The following ZNF268 variants were observed in gnomAD, a reference collection of about 807,000 sequenced individuals.
The protein encoded by ZNF268 is zinc finger protein 268, also known as zinc finger protein 3.
Under a neutral mutation model 29.3 loss-of-function variants are expected in ZNF268, and 20 were observed. The observed-to-expected ratio is 0.68, with a 90% confidence interval of 0.48 to 0.99. ZNF268 has a LOEUF of 0.99. Among genes scored for constraint, ZNF268 ranks in the 50% least tolerant of loss-of-function variants. The probability of loss-of-function intolerance (pLI) is 0.00; values close to 1 mark genes in which losing one functional copy is unlikely to be tolerated. For synonymous variants in ZNF268, 429 were observed against 376.9 expected (o/e 1.14, Z -1.60); for missense variants, 1,240 against 1,121.6 (o/e 1.11, Z -1.51).
intron 5 of ZNF268, among the ~76,000 whole-genome samples, chr12:133,201,439 T>C (rs992477078): frequency 6.6e-6 from 1 of 152,132 alleles, no homozygotes; most frequent in African/African-American, 2.4e-5. Context: ...CATTGAGACC[T>C]GTGCATCTGA....
At position 133,205,196 on chromosome 12, in the gene ZNF268, TATTA is replaced by T. The variant is rs1956876676; in HGVS notation, c.*670_*673del. The T allele has an allele frequency of 7.6e-6, 1 of 132,150 alleles. No individual in the cohort carries two copies. The highest frequency in any genetic ancestry group is 7.6e-5 in the Admixed American group (1 of 13,182). The allele number at this position is 132,150 out of a possible 1,614,324, so 8.2% of individuals were successfully genotyped here. A position where few individuals can be genotyped will look rare whatever the true frequency, so the allele number is the denominator to read the frequency against. ...AAACCAACCTGTTATTATATCTTAA[TATTA>T]ATTTTGAAGAATTATTTCTTTTAGG... is the stretch of plus-strand genomic sequence containing the variant. On this transcript the variant is annotated 3_prime_UTR_variant, in exon 6 of 6. Transcript: ENST00000536435.
intron 2 of ZNF268, among the ~76,000 whole-genome samples, chr12:133,185,754 G>A (rs552508372): frequency 1.3e-5 from 2 of 152,286 alleles, no homozygotes; most frequent in African/African-American, 4.8e-5. Context: ...GGAAGCCAGA[G>A]ACTGACTAGG....
At position 133,191,900 on chromosome 12, in the gene ZNF268, A is replaced by G. The variant is rs184260558; in HGVS notation, c.362-8A>G. On this transcript the variant is annotated splice_polypyrimidine_tract_variant and splice_region_variant and intron_variant, in intron 4 of 5. Coordinates refer to ENST00000536435, the MANE Select transcript of ZNF268 (RefSeq NM_003415.3). Reference sequence around the variant, plus strand: ...GTTCCAGGTTGTCTGTGATTTTTCTATTTATAGGGTACCAACACACCAAAC... The same window carrying G: ...GTTCCAGGTTGTCTGTGATTTTTCTGTTTATAGGGTACCAACACACCAAAC... 7.2e-5 allele frequency: 116 copies of G among 1,613,088 alleles called. No homozygotes were observed. The highest frequency in any genetic ancestry group is 1.6e-4 in the Middle Eastern group (1 of 6,082).
chr12:133,181,826 T>C, intron 1 of ZNF268, 120 bp from the exon 2 acceptor site: 1 of 667,988 alleles, frequency 1.5e-6, no homozygotes, highest in Admixed American at 2.4e-5. Flanking sequence ...AATCCCGTGC[T>C]GTGGGAGGGA....
Position 133,213,719 on chromosome 12 carries a change from G to T in ZNF268, c.*9189G>T, listed in dbSNP as rs1293449276. On this transcript the variant is annotated 3_prime_UTR_variant, in exon 6 of 6. Transcript: ENST00000536435. Reference sequence around the variant, plus strand: ...ATTCCATCTCAAAAAAAAAAAAAAGGCCGGGTGTGGTGGCTCACGCCTGTA... The same window carrying T: ...ATTCCATCTCAAAAAAAAAAAAAAGTCCGGGTGTGGTGGCTCACGCCTGTA... 1 of 143,422 alleles carries T rather than the reference G, an allele frequency of 7.0e-6. No homozygotes were observed. Among genetic ancestry groups the T allele is most frequent in the African/African-American group, 2.6e-5 (1 of 38,754 alleles). 8.9% of individuals were successfully genotyped at this position (143,422 alleles called of 1,614,324 possible).
At position 133,181,977 on chromosome 12, in the gene ZNF268, C is replaced by T; in HGVS notation, c.-21C>T. On this transcript the variant is annotated 5_prime_UTR_variant, in exon 2 of 6. Coordinates refer to ENST00000536435, the MANE Select transcript of ZNF268 (RefSeq NM_003415.3). The stretch of plus-strand genomic sequence containing the variant: ...TCGCGTCCTGTCACTTCCAGCGAGG[C>T]ACACAAAACTGACCGTAGGGATGGC... 8.3e-6 allele frequency: 13 copies of T among 1,561,750 alleles called. No homozygotes were observed. Among genetic ancestry groups the T allele is most frequent in the African/African-American group, 1.4e-5 (1 of 73,648 alleles).
intron 3 of ZNF268, 44 bp downstream of exon 3, chr12:133,188,116 T>TG (rs533066042): frequency 2.5e-6 from 1 of 402,548 alleles, no homozygotes; most frequent in Non-Finnish European, 3.2e-6. Context: ...CTTTATTACC[T>TG]TTTTTTTTTT....
Position 133,203,660 on chromosome 12 carries a change from T to G in ZNF268, c.1974T>G (p.His658Gln). The change falls in exon 6 of 6, where the codon CAT becomes CAG. Residue 658 changes from histidine to glutamine, a missense_variant. By Grantham distance (24) the His-to-Gln change is conservative. Around this residue, in one of 3 missense-constraint regions of ZNF268, gnomAD observed 1,177 missense variants for 1,039.6 expected, o/e 1.13. Coordinates refer to ENST00000536435, the MANE Select transcript of ZNF268 (RefSeq NM_003415.3). The stretch of plus-strand genomic sequence containing the variant: ...CGTTCAAATCACAGCTCATTGTACA[T>G]AAAGGAGTGCACACTGGAGTAAAAC... ...AFTFKSQLIV[H>Q]KGVHTGVKPY... 6.4e-7 allele frequency: 1 copy of G among 1,552,846 alleles called. No individual in the cohort carries two copies. The highest frequency in any genetic ancestry group is 8.7e-7 in the Non-Finnish European group (1 of 1,153,882).
At position 133,204,711 on chromosome 12, in the gene ZNF268, ATAG is replaced by A. The variant is rs902339865; in HGVS notation, c.*185_*187del. 2.2e-5 allele frequency: 11 copies of A among 502,586 alleles called. No individual in the cohort carries two copies. Among genetic ancestry groups the A allele is most frequent in the Admixed American group, 3.8e-5 (1 of 26,492 alleles). The allele number at this position is 502,586 out of a possible 1,614,324, so 31.1% of individuals were successfully genotyped here. A position where few individuals can be genotyped will look rare whatever the true frequency, so the allele number is the denominator to read the frequency against. Reference sequence around the variant, plus strand: ...AAAGCTGTTCTTTACATGCAAAAAGATAGTAGACAATACACAGGAAAACTGAAT... The same window carrying A: ...AAAGCTGTTCTTTACATGCAAAAAGATAGACAATACACAGGAAAACTGAAT... On this transcript the variant is annotated 3_prime_UTR_variant, in exon 6 of 6. Coordinates refer to ENST00000536435, the MANE Select transcript of ZNF268 (RefSeq NM_003415.3).
Position 133,207,288 on chromosome 12 carries a change from CA to C in ZNF268, c.*2759del, listed in dbSNP as rs1178410376. 3 of 22,618 alleles carry C rather than the reference CA, an allele frequency of 1.3e-4. No homozygotes were observed. The highest frequency in any genetic ancestry group is 6.4e-4 in the Admixed American group (1 of 1,554). The allele number at this position is 22,618 out of a possible 1,614,324, so 1.4% of individuals were successfully genotyped here. On this transcript the variant is annotated 3_prime_UTR_variant, in exon 6 of 6. Transcript: ENST00000536435. ...TTAGGAGAAAAAATGACTTGCAAAC[CA>C]TATTTGTGAACATAGGTTTAAAAAT... is the stretch of plus-strand genomic sequence containing the variant.
chr12:133,191,661 T>G (rs1049626890), intron 4 of ZNF268, 46 bp downstream of exon 4: 1 of 1,602,542 alleles, frequency 6.2e-7, no homozygotes, highest in East Asian at 2.2e-5. Context: ...TCTCCAGGCT[T>G]CTTCTTGGTT....
At position 133,202,688 on chromosome 12, in the gene ZNF268, C is replaced by T. The variant is rs554348780; in HGVS notation, c.1002C>T (p.Cys334=). 234 of 1,609,714 alleles carry T rather than the reference C, an allele frequency of 1.5e-4. 2 individuals are homozygous for T. In the South Asian group the frequency reaches 2.2e-3, roughly 15 times the overall value. Residue 334 remains cysteine (C), a synonymous_variant, in exon 6 of 6, where the codon TGC becomes TGT. Coordinates refer to ENST00000536435, the MANE Select transcript of ZNF268 (RefSeq NM_003415.3). ...ATACAGGAGAGAAACTACATGAATG[C>T]AGTGAATGCAGGAAAACATTCAGTT... The part of the protein sequence containing the change: ...RIHTGEKLHE[C]SECRKTFSFH...
rs753599725 is a variant in ZNF268, at chr12:133,187,900, C to T, written c.62C>T (p.Ser21Leu). 2.5e-6 allele frequency: 4 copies of T among 1,599,208 alleles called. No individual in the cohort carries two copies. Among genetic ancestry groups the T allele is most frequent in the Non-Finnish European group, 3.4e-6 (4 of 1,172,644 alleles). The change falls in exon 3 of 6, where the codon TCA becomes TTA. Residue 21 changes from serine to leucine, a missense_variant. By Grantham distance (145) the Ser-to-Leu change is moderately radical. Transcript: ENST00000536435. ...CCACCTCTCCAAGAACGAAACAGTT[C>T]ATGGGATAGGATCAGAAAGCTCCAA... ...WVPPLQERNS[S>L]WDRIRKLQGQ...
At position 133,211,052 on chromosome 12, in the gene ZNF268, A is replaced by G. The variant is rs1394443705; in HGVS notation, c.*6522A>G. 1 of 456,028 alleles carries G rather than the reference A, an allele frequency of 2.2e-6. No individual in the cohort carries two copies. The allele number at this position is 456,028 out of a possible 1,614,324, so 28.2% of individuals were successfully genotyped here. A position where few individuals can be genotyped will look rare whatever the true frequency, so the allele number is the denominator to read the frequency against. On this transcript the variant is annotated 3_prime_UTR_variant, in exon 6 of 6. Transcript: ENST00000536435. ...ATAGAGTCCATCATTCCATGCCTTA[A>G]TTGGAATGGATAGAGATAATAAAAG...
chr12:133,183,482 A>G (rs1035865937), intron 2 of ZNF268, among the ~76,000 whole-genome samples: 1 of 151,672 alleles, frequency 6.6e-6, no homozygotes, highest in African/African-American at 2.4e-5. Flanking sequence ...CCTGGGTGAC[A>G]GAGCAAGACT....
chr12:133,198,000 TG>T (rs1247861288), intron 5 of ZNF268, among the ~76,000 whole-genome samples: 1 of 152,036 alleles, frequency 6.6e-6, no homozygotes, highest in African/African-American at 2.4e-5. Context: ...TTCACTCTGA[TG>T]GTAGTTTCTT....
rs1199572508 is a variant in ZNF268 at position 133,181,953 on chromosome 12, C to T, written c.-45C>T. ...CTGTGCTCTCTCTTCTAGCATCCCTCGCGTCCTGTCACTTCCAGCGAGGCA... is the reference window on the plus strand; with the variant it reads ...CTGTGCTCTCTCTTCTAGCATCCCTTGCGTCCTGTCACTTCCAGCGAGGCA... On this transcript the variant is annotated 5_prime_UTR_variant, in exon 2 of 6. Transcript: ENST00000536435. The T allele has an allele frequency of 1.0e-5, 16 of 1,552,404 alleles. No individual in the cohort carries two copies. Among genetic ancestry groups the T allele is most frequent in the Non-Finnish European group, 1.4e-5 (16 of 1,146,608 alleles).
At chr12:133,183,499 CAAA>C (rs376180879) in intron 2 of ZNF268, among the ~76,000 whole-genome samples, 3 of 103,896 alleles carry the variant, frequency 2.9e-5, no homozygotes, top group Non-Finnish European at 6.1e-5. Context: ...GACTCTGTCT[CAAA>C]AAAAAAAAAA....
chr12:133,184,380 C>T (rs1245756843), intron 2 of ZNF268, among the ~76,000 whole-genome samples: 2 of 152,132 alleles, frequency 1.3e-5, no homozygotes, highest in Non-Finnish European at 2.9e-5. Context: ...GCTGGGATTA[C>T]AGGCGTGAGC....
Sources: gnomAD v4.1 joint callset for allele counts (sites outside exome capture counted in the v4.1 genomes callset) on GRCh38, gnomAD v4.1.1 for gene constraint, gnomAD v4.1.1 regional missense constraint, MANE v1.5 for transcripts, NCBI Gene and HGNC (gene_info 2026-07-23, HGNC 2026-07-21) for gene names.